JHY: variants seen among roughly 807,000 people sequenced by gnomAD.
The protein encoded by JHY is junctional cadherin complex regulator.
A neutral mutation model predicts 78.0 loss-of-function variants in JHY; 69 were observed. That is an observed-to-expected ratio of 0.88 (90% CI 0.73 to 1.08). JHY has a LOEUF of 1.08. Among genes scored for constraint, JHY ranks in the 50% least tolerant of loss-of-function variants. The pLI is 0.00. For missense variants in JHY, 944 were observed against 927.8 expected, an observed-to-expected ratio of 1.02 and a Z score of -0.23; for synonymous variants, 368 against 342.6, an observed-to-expected ratio of 1.07 and a Z score of -0.82.
chr11:122,932,844 C>T (rs1863664781), intron 4 of JHY, among the ~76,000 whole-genome samples: 1 of 152,094 alleles, frequency 6.6e-6, no homozygotes, highest in Non-Finnish European at 1.5e-5. Flanking sequence ...GGAAGGAATA[C>T]CTAGAATTTA....
At chr11:122,920,191 A>C (rs778273753) in intron 3 of JHY, among the ~76,000 whole-genome samples, 13 of 152,110 alleles carry the variant, frequency 8.5e-5, no homozygotes, top group Non-Finnish European at 1.5e-4. Context: ...ACTTCAGCTC[A>C]CTCCTTAGCC....
chr11:122,916,215 A>G (rs745434979), intron 3 of JHY, among the ~76,000 whole-genome samples: 4 of 152,140 alleles, frequency 2.6e-5, no homozygotes, highest in Non-Finnish European at 4.4e-5. Context: ...AGAAATGATA[A>G]ATACTCGAGG....
At chr11:122,940,462 G>A (rs945156476) in intron 5 of JHY, among the ~76,000 whole-genome samples, 5 of 152,102 alleles carry the variant, frequency 3.3e-5, no homozygotes, top group African/African-American at 9.7e-5. Context: ...ACCATTTCAG[G>A]CAAGAATACT....
At chr11:122,958,396 T>C (rs547533489) in intron 8 of JHY, among the ~76,000 whole-genome samples, 3 of 152,368 alleles carry the variant, frequency 2.0e-5, no homozygotes, top group South Asian at 2.1e-4. Flanking sequence ...ATCCACTTGA[T>C]TGAGTTTCTA....
rs564047093 is a variant in JHY at position 122,939,385 on chromosome 11, C to A, written c.1634+4310C>A. Among the ~76,000 whole-genome samples, 13 of 152,266 alleles carry A rather than the reference C, an allele frequency of 8.5e-5. No homozygotes were observed. In the South Asian group the frequency reaches 2.7e-3, roughly 32 times the overall value. ...TCCCACTTACAGCTCATGAGCCTTA[C>A]AGGATTCTATGGTGTAAACTGTGGC... On this transcript the variant is annotated intron_variant, in intron 5 of 8. Coordinates refer to ENST00000227349, the MANE Select transcript of JHY (RefSeq NM_024806.4).
intron 5 of JHY, among the ~76,000 whole-genome samples, chr11:122,940,720 T>A (rs983296814): frequency 6.6e-6 from 1 of 152,222 alleles, no homozygotes; most frequent in African/African-American, 2.4e-5. Context: ...ACCTAAATCA[T>A]CCATTACACT....
At chr11:122,910,750 C>T (rs925383455) in intron 3 of JHY, among the ~76,000 whole-genome samples, 3 of 151,922 alleles carry the variant, frequency 2.0e-5, no homozygotes, top group African/African-American at 7.3e-5. Context: ...AACTTCACAC[C>T]CCTGATTGCT....
At chr11:122,912,622 G>T (rs935138838) in intron 3 of JHY, among the ~76,000 whole-genome samples, 1 of 151,924 alleles carries the variant, frequency 6.6e-6, no homozygotes, top group African/African-American at 2.4e-5. Flanking sequence ...CACGCCTGTA[G>T]TCCCAGCTAC....
At chr11:122,911,096 C>T (rs925327514) in intron 3 of JHY, among the ~76,000 whole-genome samples, 1 of 152,108 alleles carries the variant, frequency 6.6e-6, no homozygotes, top group Non-Finnish European at 1.5e-5. Flanking sequence ...ACTTTGAGTC[C>T]ATTTGTAATC....
At chr11:122,915,565 T>C (rs1591380001) in intron 3 of JHY, among the ~76,000 whole-genome samples, 1 of 152,166 alleles carries the variant, frequency 6.6e-6, no homozygotes. Context: ...CAGGCTGGAG[T>C]GCAGTGGCAC....
intron 3 of JHY, among the ~76,000 whole-genome samples, chr11:122,907,611 A>G (rs142916179): frequency 6.6e-6 from 1 of 152,176 alleles, no homozygotes; most frequent in East Asian, 1.9e-4. Flanking sequence ...TTGGGAGGCC[A>G]AGGCGGGCAG....
chr11:122,926,728 T>C (rs1863516194), intron 4 of JHY, among the ~76,000 whole-genome samples: 1 of 152,212 alleles, frequency 6.6e-6, no homozygotes, highest in Admixed American at 6.5e-5. Context: ...GGTAATGGAC[T>C]GGGTCACGAG....
rs750224355 is a variant in JHY, at chr11:122,946,652, C to T, written c.1789C>T (p.Leu597=). 3 of 1,614,096 alleles carry T rather than the reference C, an allele frequency of 1.9e-6. No individual in the cohort carries two copies. The highest frequency in any genetic ancestry group is 1.7e-6 in the Non-Finnish European group (2 of 1,180,010). The change falls in exon 6 of 9, where the codon CTG becomes TTG. Residue 597 remains leucine, a synonymous_variant. Coordinates refer to ENST00000227349, the MANE Select transcript of JHY (RefSeq NM_024806.4). ...ATCCAGCGTCACGCTTCCACCTATA[C>T]TGTCAAGGGTAGAAAGTGAATCCCA... ...ALSSVTLPPI[L]SRVESESQLS...
chr11:122,899,762 C>T (rs1591371837), intron 2 of JHY, among the ~76,000 whole-genome samples: 1 of 152,198 alleles, frequency 6.6e-6, no homozygotes, highest in East Asian at 1.9e-4. Context: ...TGTTGATCCT[C>T]ATTCAGTCCT....
rs1214629587 is a variant in JHY at position 122,885,832 on chromosome 11, T to G, written c.-18T>G. On this transcript the variant is annotated 5_prime_UTR_variant, in exon 2 of 9. Coordinates refer to ENST00000227349, the MANE Select transcript of JHY (RefSeq NM_024806.4). ...TATCAACACGAGTATCCCCTGTTAA[T>G]TTTTTGCATTTTTCAAGATGAGTAA... is the stretch of plus-strand genomic sequence containing the variant. 6.4e-7 allele frequency: 1 copy of G among 1,573,016 alleles called. No homozygotes were observed. The highest frequency in any genetic ancestry group is 1.7e-5 in the Admixed American group (1 of 57,826).
At chr11:122,894,619 G>A (rs571138186) in intron 2 of JHY, among the ~76,000 whole-genome samples, 1 of 152,290 alleles carries the variant, frequency 6.6e-6, no homozygotes, top group Admixed American at 6.5e-5. Flanking sequence ...TGAGGTACTA[G>A]AATTTTACAT....
chr11:122,949,844 T>TA (rs1264212143), intron 6 of JHY, among the ~76,000 whole-genome samples: 1 of 150,952 alleles, frequency 6.6e-6, no homozygotes, highest in Non-Finnish European at 1.5e-5. Flanking sequence ...TCTTTTCTTT[T>TA]TTTTTTTTTT....
intron 2 of JHY, among the ~76,000 whole-genome samples, chr11:122,902,594 G>C: frequency 6.6e-6 from 1 of 152,204 alleles, no homozygotes; most frequent in East Asian, 1.9e-4. Flanking sequence ...GGCTCTACAG[G>C]AAGTATGATT....
At chr11:122,924,863 C>T in intron 3 of JHY, 34 bp from the exon 4 acceptor site, 1 of 1,529,144 alleles carries the variant, frequency 6.5e-7, no homozygotes, top group East Asian at 2.3e-5. Context: ...AAAATGAATC[C>T]AGTTAACATG....
Sources: gnomAD v4.1 joint callset for allele counts (sites outside exome capture counted in the v4.1 genomes callset) on GRCh38, gnomAD v4.1.1 for gene constraint, MANE v1.5 for transcripts, NCBI Gene and HGNC (gene_info 2026-07-23, HGNC 2026-07-21) for gene names.